Variants in RGS6 observed in about 807,000 individuals in gnomAD.
The protein encoded by RGS6 is regulator of G-protein signaling 6.
In RGS6, 30 loss-of-function variants were observed where a neutral mutation model predicts 78.5. The ratio of observed to expected loss-of-function variants is 0.38; its 90% CI spans 0.29 to 0.52. The LOEUF is 0.52. Ranked by LOEUF, RGS6 falls within the 20% of genes least tolerant of loss-of-function variation. The pLI is 0.85. For synonymous variants in RGS6, 206 were observed against 206.0 expected (o/e 1.00, Z 0.00); for missense variants, 495 against 609.7 (o/e 0.81, Z 1.98).
chr14:72,342,465 C>G (rs2077190767), intron 2 of RGS6, among the ~76,000 whole-genome samples: 1 of 151,752 alleles, frequency 6.6e-6, no homozygotes, highest in Non-Finnish European at 1.5e-5. Flanking sequence ...ACTTGGAAAG[C>G]TGAGGCAGGA....
At chr14:72,620,815 A>C in the RGS6 span, among the ~76,000 whole-genome samples, 2 of 152,072 alleles carry the variant, frequency 1.3e-5, no homozygotes, top group East Asian at 3.8e-4. Context: ...CCTTTACGTT[A>C]CATGCCTGGC....
At chr14:72,557,544 C>T (rs763732) in intron 17 of RGS6, among the ~76,000 whole-genome samples, 37,247 of 152,022 alleles carry the variant, frequency 0.25, 4,808 homozygotes, top group South Asian at 0.37. Context: ...TGACCCTTAT[C>T]CTCAGCAAGT....
intron 1 of RGS6, among the ~76,000 whole-genome samples, chr14:71,940,242 T>TA (rs2090297535): frequency 6.6e-6 from 1 of 152,174 alleles, no homozygotes; most frequent in African/African-American, 2.4e-5. Flanking sequence ...GTTACCCTGG[T>TA]AAAAGACCAG....
At chr14:72,063,990 T>C (rs1054164179) in intron 2 of RGS6, among the ~76,000 whole-genome samples, 3 of 151,948 alleles carry the variant, frequency 2.0e-5, no homozygotes, top group East Asian at 1.9e-4. Context: ...AATCAGCCAG[T>C]GTAGTTCTTT....
chr14:72,125,340 T>C (rs898657995), intron 2 of RGS6, among the ~76,000 whole-genome samples: 1 of 152,174 alleles, frequency 6.6e-6, no homozygotes, highest in Non-Finnish European at 1.5e-5. Context: ...GTTTTCAGGA[T>C]TGCAAGACTG....
intron 2 of RGS6, among the ~76,000 whole-genome samples, chr14:72,098,024 C>T (rs950693130): frequency 6.6e-6 from 1 of 152,294 alleles, no homozygotes; most frequent in African/African-American, 2.4e-5. Context: ...TGGACCCACA[C>T]ATAGCAAATT....
At chr14:72,242,441 C>T (rs1544487) in intron 2 of RGS6, among the ~76,000 whole-genome samples, 88,010 of 151,976 alleles carry the variant, frequency 0.58, 26,002 homozygotes, top group Middle Eastern at 0.69. Context: ...AATGTTTTCA[C>T]CTTAAAATAA....
chr14:72,118,019 A>G (rs892134663), intron 2 of RGS6, among the ~76,000 whole-genome samples: 6 of 152,216 alleles, frequency 3.9e-5, no homozygotes, highest in Non-Finnish European at 8.8e-5. Flanking sequence ...CTCTGTGCCT[A>G]CAAATGATTA....
chr14:72,257,062 G>C (rs770295192), intron 2 of RGS6, among the ~76,000 whole-genome samples: 4 of 152,172 alleles, frequency 2.6e-5, no homozygotes, highest in Non-Finnish European at 5.9e-5. Context: ...TTTGCCAGTG[G>C]TGTTAGAAGT....
intron 3 of RGS6, among the ~76,000 whole-genome samples, chr14:72,354,430 A>T (rs928832068): frequency 1.3e-5 from 2 of 150,926 alleles, no homozygotes; most frequent in Non-Finnish European, 2.9e-5. Flanking sequence ...GTTTGAGAGC[A>T]GCCTGGCCAA....
At chr14:72,294,289 G>T (rs2064248139) in intron 2 of RGS6, among the ~76,000 whole-genome samples, 1 of 152,210 alleles carries the variant, frequency 6.6e-6, no homozygotes, top group Admixed American at 6.5e-5. Context: ...AAAGCCACAT[G>T]GTTCAAACAT....
chr14:72,007,425 C>T (rs987222364), intron 2 of RGS6, among the ~76,000 whole-genome samples: 1 of 152,176 alleles, frequency 6.6e-6, no homozygotes, highest in Non-Finnish European at 1.5e-5. Flanking sequence ...TCTCAGAATA[C>T]TGTTTAGTCA....
intron 16 of RGS6, among the ~76,000 whole-genome samples, chr14:72,536,858 A>G (rs1403077374): frequency 1.3e-5 from 2 of 152,118 alleles, no homozygotes; most frequent in Admixed American, 6.5e-5. Flanking sequence ...TTAACCAAGA[A>G]GTAACTGCAC....
At chr14:72,452,207 A>T (rs1388293452) in intron 3 of RGS6, among the ~76,000 whole-genome samples, 2 of 146,692 alleles carry the variant, frequency 1.4e-5, no homozygotes, top group Non-Finnish European at 3.0e-5. Context: ...AGGCACATGT[A>T]CACACACACA....
At chr14:72,009,653 C>A (rs1351912217) in intron 2 of RGS6, among the ~76,000 whole-genome samples, 1 of 152,144 alleles carries the variant, frequency 6.6e-6, no homozygotes, top group African/African-American at 2.4e-5. Context: ...GACCTCCAAC[C>A]CAGAGCTCCT....
At chr14:72,455,492 C>T (rs1444799055) in intron 4 of RGS6, among the ~76,000 whole-genome samples, 1 of 152,188 alleles carries the variant, frequency 6.6e-6, no homozygotes, top group Non-Finnish European at 1.5e-5. Context: ...TTTAACCCAA[C>T]ATTTCTAATC....
chr14:72,540,968 GAAC>G, intron 17 of RGS6: 5 of 1,249,792 alleles, frequency 4.0e-6, no homozygotes, highest in Non-Finnish European at 4.1e-6. Context: ...ATGGTTTGTA[GAAC>G]AACACAGGCC....
chr14:72,359,314 C>T (rs557478261), intron 3 of RGS6, among the ~76,000 whole-genome samples: 16 of 151,502 alleles, frequency 1.1e-4, no homozygotes, highest in African/African-American at 3.9e-4. Context: ...TTTTTGGCTT[C>T]AGCAACTGGA....
At chr14:72,532,700 C>T (rs964941645) in intron 15 of RGS6, among the ~76,000 whole-genome samples, 1 of 152,188 alleles carries the variant, frequency 6.6e-6, no homozygotes, top group East Asian at 1.9e-4. Context: ...GATATGGAGA[C>T]AGTTTTAGTG....
Sources: allele counts gnomAD v4.1 joint callset (sites outside exome capture counted in the v4.1 genomes callset), GRCh38; gene constraint gnomAD v4.1.1; transcripts MANE v1.5; gene names NCBI Gene and HGNC (gene_info 2026-07-23, HGNC 2026-07-21).